GRID2: variants seen among roughly 807,000 people sequenced by gnomAD.
GRID2 encodes glutamate receptor ionotropic, delta-2.
Under a neutral mutation model 114.8 loss-of-function variants are expected in GRID2, and 33 were observed. That is an observed-to-expected ratio of 0.29 (90% CI 0.22 to 0.38). The LOEUF is 0.38. Among genes scored for constraint, GRID2 ranks in the 10% least tolerant of loss-of-function variants. GRID2 has a pLI of 1.00. For synonymous variants in GRID2, 505 were observed against 449.9 expected (o/e 1.12, Z -1.55); for missense variants, 1,184 against 1,257.7 (o/e 0.94, Z 0.89).
At chr4:93,160,799 A>G (rs954134382) in intron 4 of GRID2, among the ~76,000 whole-genome samples, 1 of 151,802 alleles carries the variant, frequency 6.6e-6, no homozygotes, top group Non-Finnish European at 1.5e-5. Context: ...CAGTAGTATC[A>G]CTGTCACCTG....
chr4:92,704,807 C>T (rs2149304561), intron 2 of GRID2, among the ~76,000 whole-genome samples: 1 of 149,870 alleles, frequency 6.7e-6, no homozygotes, highest in South Asian at 2.2e-4. Context: ...CTCCCCTTCC[C>T]TCTTTTCTCC....
intron 2 of GRID2, among the ~76,000 whole-genome samples, chr4:92,941,512 A>C (rs1310876499): frequency 6.6e-6 from 1 of 152,148 alleles, no homozygotes; most frequent in Non-Finnish European, 1.5e-5. Context: ...ATCTTTTCAA[A>C]AAACCAGCTC....
intron 2 of GRID2, among the ~76,000 whole-genome samples, chr4:92,814,624 G>A (rs1740798746): frequency 6.6e-6 from 1 of 152,120 alleles, no homozygotes. Flanking sequence ...TGCCATCTTC[G>A]TAGAGGTGCC....
intron 14 of GRID2, among the ~76,000 whole-genome samples, chr4:93,763,011 A>G (rs920851255): frequency 1.3e-5 from 2 of 152,114 alleles, no homozygotes; most frequent in Non-Finnish European, 2.9e-5. Context: ...CATAAGCCCT[A>G]CATTAGCCAA....
chr4:93,034,216 G>A (rs1724704407), intron 2 of GRID2, among the ~76,000 whole-genome samples: 1 of 152,188 alleles, frequency 6.6e-6, no homozygotes, highest in African/African-American at 2.4e-5. Flanking sequence ...CATTTAGACA[G>A]ATGGGAAGAA....
chr4:93,520,169 C>A (rs1730189457), intron 13 of GRID2, among the ~76,000 whole-genome samples: 1 of 152,102 alleles, frequency 6.6e-6, no homozygotes, highest in African/African-American at 2.4e-5. Context: ...CATACTCATT[C>A]AACACATATT....
chr4:93,091,336 T>G (rs1730772274), intron 3 of GRID2, among the ~76,000 whole-genome samples: 2 of 152,108 alleles, frequency 1.3e-5, no homozygotes, highest in South Asian at 4.1e-4. Context: ...GTAGACTTAT[T>G]TCTAAGAATA....
chr4:93,093,430 G>C (rs761729735), intron 3 of GRID2, among the ~76,000 whole-genome samples: 1 of 151,990 alleles, frequency 6.6e-6, no homozygotes, highest in African/African-American at 2.4e-5. Flanking sequence ...CCAACATAGC[G>C]ATAGGGATCT....
At chr4:93,010,963 T>A (rs1267397791) in intron 2 of GRID2, among the ~76,000 whole-genome samples, 1 of 152,046 alleles carries the variant, frequency 6.6e-6, no homozygotes, top group African/African-American at 2.4e-5. Context: ...GATGCTTTGC[T>A]GCTGAGTTTG....
chr4:92,867,399 G>C (rs1744948684), intron 2 of GRID2, among the ~76,000 whole-genome samples: 1 of 152,036 alleles, frequency 6.6e-6, no homozygotes, highest in African/African-American at 2.4e-5. Context: ...AGAGCAGTGT[G>C]CTCTGCTGCC....
intron 9 of GRID2, among the ~76,000 whole-genome samples, chr4:93,401,027 C>A (rs1001254970): frequency 5.3e-5 from 8 of 151,926 alleles, no homozygotes; most frequent in African/African-American, 1.9e-4. Flanking sequence ...GAGACAGGGG[C>A]TCGCTATGTT....
At chr4:92,698,863 A>C (rs1734539727) in intron 2 of GRID2, among the ~76,000 whole-genome samples, 1 of 152,152 alleles carries the variant, frequency 6.6e-6, no homozygotes. Context: ...GTCCCGACGC[A>C]AAATTGCATT....
At chr4:92,706,079 T>C (rs1358970392) in intron 2 of GRID2, among the ~76,000 whole-genome samples, 3 of 152,144 alleles carry the variant, frequency 2.0e-5, no homozygotes, top group Non-Finnish European at 4.4e-5. Context: ...CATCAAGGTC[T>C]TGATGGGTTC....
chr4:92,966,790 C>G (rs1295495587), intron 2 of GRID2, among the ~76,000 whole-genome samples: 1 of 151,826 alleles, frequency 6.6e-6, no homozygotes, highest in Non-Finnish European at 1.5e-5. Flanking sequence ...TCGGGTATGT[C>G]CTTATTAGCA....
intron 12 of GRID2, among the ~76,000 whole-genome samples, chr4:93,513,976 A>G (rs988210904): frequency 6.6e-6 from 1 of 152,170 alleles, no homozygotes; most frequent in Non-Finnish European, 1.5e-5. Context: ...TATACATTAC[A>G]TGAGATTCAT....
At chr4:93,524,807 A>ATATG in intron 13 of GRID2, among the ~76,000 whole-genome samples, 1 of 76,038 alleles carries the variant, frequency 1.3e-5, no homozygotes, top group Non-Finnish European at 2.5e-5. Flanking sequence ...ATATATATAT[A>ATATG]TATATATGTA....
At chr4:93,207,495 T>TTTTTTCACATATATAATTGTGAAAA in intron 5 of GRID2, 38 bp downstream of exon 5, 1 of 1,226,860 alleles carries the variant, frequency 8.2e-7, no homozygotes, top group East Asian at 2.4e-5. Context: ...CTCTGTGTCC[T>TTTTTTCACATATATAATTGTGAAAA]TTTTTCACAT....
intron 1 of GRID2, among the ~76,000 whole-genome samples, chr4:92,378,098 A>C (rs1257011348): frequency 6.6e-6 from 1 of 152,046 alleles, no homozygotes; most frequent in African/African-American, 2.4e-5. Context: ...AGATCATTAA[A>C]AAAAAAACTT....
At position 93,518,212 on chromosome 4, in the gene GRID2, A is replaced by C. The variant is rs186638140; in HGVS notation, c.2193+2801A>C. ...AATGTCTCAGTCTGTATTTGTTCTT[A>C]ATTGTGCTACTAGTCTCATTAAGTT... On this transcript the variant is annotated intron_variant, in intron 13 of 15. Coordinates refer to ENST00000282020, the MANE Select transcript of GRID2 (RefSeq NM_001510.4). Among the ~76,000 whole-genome samples, 316 of 151,610 alleles carry C rather than the reference A, an allele frequency of 2.1e-3. 3 individuals carry two copies. The highest frequency in any genetic ancestry group is 7.0e-3 in the African/African-American group (291 of 41,422).
Sources: gnomAD v4.1 joint callset for allele counts (sites outside exome capture counted in the v4.1 genomes callset) on GRCh38, gnomAD v4.1.1 for gene constraint, MANE v1.5 for transcripts, NCBI Gene and HGNC (gene_info 2026-07-23, HGNC 2026-07-21) for gene names.